The following CEACAM20 variants were observed in gnomAD, a reference collection of about 807,000 sequenced individuals.
CEACAM20 encodes the protein cell adhesion molecule CEACAM20.
CEACAM20 carries 50 observed loss-of-function variants against 61.2 expected under a neutral mutation model. The ratio of observed to expected loss-of-function variants is 0.82; its 90% CI spans 0.65 to 1.03. CEACAM20 has a LOEUF of 1.03. CEACAM20 is among the 50% of genes least tolerant of loss of function. The probability of loss-of-function intolerance (pLI) is 0.00; values close to 1 mark genes in which losing one functional copy is unlikely to be tolerated. For synonymous variants in CEACAM20, 282 were observed against 287.7 expected (o/e 0.98, Z 0.20); for missense variants, 683 against 736.4 (o/e 0.93, Z 0.84).
chr19:44,510,605 AAAG>A (rs1970960624), intron 11 of CEACAM20, among the ~76,000 whole-genome samples: 1 of 75,362 alleles, frequency 1.3e-5, no homozygotes, highest in Non-Finnish European at 2.4e-5. Flanking sequence ...AGAAAGAAAG[AAAG>A]AAAAAGGAAG....
intron 5 of CEACAM20, among the ~76,000 whole-genome samples, chr19:44,518,937 C>G (rs984933274): frequency 6.6e-6 from 1 of 152,184 alleles, no homozygotes; most frequent in Non-Finnish European, 1.5e-5. Context: ...AGGCCATTTA[C>G]AATTTGATTC....
intron 11 of CEACAM20, 129 bp from the exon 12 acceptor site, chr19:44,506,343 C>G: frequency 1.4e-6 from 1 of 713,584 alleles, no homozygotes. Context: ...TTCCTCCATT[C>G]TCATCACACT....
At chr19:44,514,822 AT>A (rs1476898126) in intron 6 of CEACAM20, among the ~76,000 whole-genome samples, 2 of 150,374 alleles carry the variant, frequency 1.3e-5, no homozygotes, top group Non-Finnish European at 1.5e-5. Flanking sequence ...ACTTTTTAAA[AT>A]TTTTTTTAAA....
intron 2 of CEACAM20, 45 bp downstream of exon 2, chr19:44,525,056 A>G (rs780440995): frequency 6.3e-7 from 1 of 1,598,674 alleles, no homozygotes; most frequent in South Asian, 1.1e-5. Flanking sequence ...AGGGATCTCC[A>G]TGGAGGCAGA....
In CEACAM20 at chr19:44,511,217, C is replaced by G. The variant is rs939635420; in HGVS notation, c.1612-62G>C. 12 of 1,591,942 alleles carry G rather than the reference C, an allele frequency of 7.5e-6. No homozygotes were observed. In the African/African-American group the frequency reaches 1.3e-4, roughly 18 times the overall value. On this transcript the variant is annotated intron_variant, in intron 10 of 11. Coordinates refer to ENST00000614924, the MANE Select transcript of CEACAM20 (RefSeq NM_001102597.3). ...ACACAGATTGCCAGGAATGTACCAA[C>G]TTACACTCTTCAGGGACCGAGAGAG...
chr19:44,507,769 G>A (rs567040286), intron 11 of CEACAM20, among the ~76,000 whole-genome samples: 43 of 152,278 alleles, frequency 2.8e-4, no homozygotes, highest in Admixed American at 1.6e-3. Context: ...AGTGGCTTGC[G>A]TCTGTAATCC....
intron 6 of CEACAM20, among the ~76,000 whole-genome samples, chr19:44,515,720 T>G (rs1971135039): frequency 6.6e-6 from 1 of 152,080 alleles, no homozygotes; most frequent in Non-Finnish European, 1.5e-5. Context: ...TCTCAGCACG[T>G]TGGGAGGCTG....
intron 1 of CEACAM20, among the ~76,000 whole-genome samples, chr19:44,525,767 C>T (rs914457364): frequency 3.9e-5 from 6 of 152,068 alleles, no homozygotes; most frequent in African/African-American, 1.4e-4. Context: ...CCTCTCTGAG[C>T]CTCAATCTCC....
intron 1 of CEACAM20, among the ~76,000 whole-genome samples, chr19:44,529,116 C>G (rs1271142984): frequency 6.6e-6 from 1 of 151,634 alleles, no homozygotes; most frequent in Non-Finnish European, 1.5e-5. Context: ...AGGAGTGTAC[C>G]ACCACACCCA....
chr19:44,509,368 A>G (rs1190972847), intron 11 of CEACAM20, among the ~76,000 whole-genome samples: 1 of 152,064 alleles, frequency 6.6e-6, no homozygotes, highest in Non-Finnish European at 1.5e-5. Context: ...AATTAAAAAA[A>G]AAACAGAAAA....
In CEACAM20 at chr19:44,506,197, C is replaced by T. The variant is rs1218387801; in HGVS notation, c.1755G>A (p.Glu585=). ...ESIYEELVNP[E]PNTYIQINPS... ...GGTTGATTTGGATGTAAGTGTTGGGCTCTGGATTCACAAGCTCCTGTTAAA... is the reference window on the plus strand; with the variant it reads ...GGTTGATTTGGATGTAAGTGTTGGGTTCTGGATTCACAAGCTCCTGTTAAA... Residue 585 remains glutamate (E), a synonymous_variant, in exon 12 of 12, where the codon GAG becomes GAA. Transcript: ENST00000614924. 2 of 1,613,806 alleles carry T rather than the reference C, an allele frequency of 1.2e-6. No homozygotes were observed. The highest frequency in any genetic ancestry group is 1.7e-6 in the Non-Finnish European group (2 of 1,179,812).
Position 44,524,649 on chromosome 19 carries a change from G to A in CEACAM20, c.197-388C>T, listed in dbSNP as rs545670121. Among the ~76,000 whole-genome samples, 7 of 151,886 alleles carry A rather than the reference G, an allele frequency of 4.6e-5. No individual in the cohort carries two copies. The South Asian group carries it at 6.3e-4, about 14-fold the overall frequency. On this transcript the variant is annotated intron_variant, in intron 2 of 11. Transcript: ENST00000614924. The stretch of plus-strand genomic sequence containing the variant: ...GGCTGGAGTGCAGTGGTTCAATCAC[G>A]GCTCACTGCAACCTTGACCTCATGG...
chr19:44,510,589 AAAG>A, intron 11 of CEACAM20, among the ~76,000 whole-genome samples: 1 of 57,400 alleles, frequency 1.7e-5, no homozygotes, highest in African/African-American at 8.5e-5. Flanking sequence ...AGAAAGAAAG[AAAG>A]AAAGAAAGAA....
chr19:44,520,493 G>A lies in CEACAM20; in HGVS notation c.1011C>T (p.Pro337=). 1 of 1,613,208 alleles carries A rather than the reference G, an allele frequency of 6.2e-7. No homozygotes were observed. Residue 337 remains proline (P), a synonymous_variant, in exon 5 of 12, where the codon CCC becomes CCT. Coordinates refer to ENST00000614924, the MANE Select transcript of CEACAM20 (RefSeq NM_001102597.3). ...WNWGSRARSE[P]LELTINYGPD... is the part of the protein sequence containing the mutation. The stretch of plus-strand genomic sequence containing the variant: ...ACTCACAGTTGATGGTCAGCTCAAG[G>A]GGCTCACTCCGGGCCCGGCTGCCCC...
chr19:44,529,228 G>T (rs1971635466), intron 1 of CEACAM20, among the ~76,000 whole-genome samples: 1 of 151,824 alleles, frequency 6.6e-6, no homozygotes, highest in Admixed American at 6.6e-5. Context: ...GCCTCCCAAA[G>T]TGCTGGGATT....
chr19:44,517,052 C>A lies in CEACAM20; in HGVS notation c.1203G>T (p.Leu401=). The change falls in exon 6 of 12, where the codon CTG becomes CTT. Residue 401 remains leucine (L), a synonymous_variant. Transcript: ENST00000614924. ...GTTCCCAGGTCAGAGCCCTGATAAT[C>A]AGCTGCTCACCCAGGTGCTCCCCGG... The part of the protein sequence containing the change: ...HSTGEHLGEQ[L]IIRALTWEHD... 6.2e-7 allele frequency: 1 copy of A among 1,603,716 alleles called. No homozygotes were observed. Among genetic ancestry groups the A allele is most frequent in the East Asian group, 2.2e-5 (1 of 44,516 alleles).
At chr19:44,519,062 A>G (rs1161929159) in intron 5 of CEACAM20, among the ~76,000 whole-genome samples, 1 of 151,670 alleles carries the variant, frequency 6.6e-6, no homozygotes, top group African/African-American at 2.4e-5. Context: ...GCCATCGCAC[A>G]CTCTCTTCCC....
At chr19:44,528,925 T>C (rs1473740359) in intron 1 of CEACAM20, among the ~76,000 whole-genome samples, 1 of 151,482 alleles carries the variant, frequency 6.6e-6, no homozygotes, top group Non-Finnish European at 1.5e-5. Context: ...CTTTTGTATC[T>C]ATGTTTATTT....
intron 4 of CEACAM20, among the ~76,000 whole-genome samples, chr19:44,521,866 T>G (rs573861439): frequency 3.9e-5 from 6 of 152,096 alleles, no homozygotes; most frequent in Non-Finnish European, 8.8e-5. Flanking sequence ...TATCTGTGTG[T>G]GTACGGAGTG....
Sources: allele counts gnomAD v4.1 joint callset (sites outside exome capture counted in the v4.1 genomes callset), GRCh38; gene constraint gnomAD v4.1.1; transcripts MANE v1.5; gene names NCBI Gene and HGNC (gene_info 2026-07-23, HGNC 2026-07-21).